PLEKHA7: variants seen among roughly 807,000 people sequenced by gnomAD.
PLEKHA7 encodes the protein pleckstrin homology domain containing A7, also known as pleckstrin homology domain-containing family A member 7.
Under a neutral mutation model 170.0 loss-of-function variants are expected in PLEKHA7, and 104 were observed. That is an observed-to-expected ratio of 0.61 (90% CI 0.52 to 0.72). PLEKHA7 has a LOEUF of 0.72. PLEKHA7 is among the 30% of genes least tolerant of loss of function. PLEKHA7 has a pLI of 0.00. For synonymous variants in PLEKHA7, 648 were observed against 660.8 expected, an observed-to-expected ratio of 0.98 and a Z score of 0.30; for missense variants, 1,615 against 1,671.7, an observed-to-expected ratio of 0.97 and a Z score of 0.59.
At chr11:16,854,773 G>T in intron 6 of PLEKHA7, 116 bp downstream of exon 6, 1 of 856,328 alleles carries the variant, frequency 1.2e-6, no homozygotes, top group South Asian at 1.6e-5. Flanking sequence ...AGCTGCCTCA[G>T]ACAAACTCAG....
chr11:16,927,399 T>C (rs1264135882), intron 3 of PLEKHA7, among the ~76,000 whole-genome samples: 1 of 152,210 alleles, frequency 6.6e-6, no homozygotes, highest in Non-Finnish European at 1.5e-5. Flanking sequence ...AGATGTCTGC[T>C]GAAGATAGCT....
chr11:16,785,581 G>A (rs1458651644), intron 24 of PLEKHA7, among the ~76,000 whole-genome samples: 1 of 152,170 alleles, frequency 6.6e-6, no homozygotes, highest in Non-Finnish European at 1.5e-5. Context: ...TGAAGACACT[G>A]AGTGTGTCAT....
chr11:16,923,632 G>T (rs1490152749), intron 3 of PLEKHA7, among the ~76,000 whole-genome samples: 1 of 152,030 alleles, frequency 6.6e-6, no homozygotes, highest in Non-Finnish European at 1.5e-5. Context: ...GGGAGGAGGG[G>T]GAGGGAGCAC....
intron 3 of PLEKHA7, among the ~76,000 whole-genome samples, chr11:17,002,747 T>G (rs1182498073): frequency 6.6e-6 from 1 of 152,118 alleles, no homozygotes; most frequent in Admixed American, 6.6e-5. Context: ...GATAACCAGG[T>G]GGCTGCACAG....
intron 3 of PLEKHA7, among the ~76,000 whole-genome samples, chr11:16,925,945 C>A (rs556296606): frequency 1.3e-5 from 2 of 152,346 alleles, no homozygotes; most frequent in South Asian, 4.1e-4. Context: ...GGGGCAGGAC[C>A]TGCGGCCTCA....
chr11:16,932,733 A>AC (rs1371415589), intron 3 of PLEKHA7, among the ~76,000 whole-genome samples: 3 of 152,252 alleles, frequency 2.0e-5, no homozygotes, highest in African/African-American at 7.2e-5. Flanking sequence ...ATGTGCTATG[A>AC]AGAAACCAAA....
At chr11:16,835,104 T>C (rs1851412087) in intron 9 of PLEKHA7, among the ~76,000 whole-genome samples, 1 of 148,922 alleles carries the variant, frequency 6.7e-6, no homozygotes, top group Admixed American at 6.6e-5. Flanking sequence ...ACCTCATCTC[T>C]ACAAAAAATA....
chr11:16,795,068 C>A, intron 17 of PLEKHA7, 50 bp from the exon 18 acceptor site: 1 of 1,286,668 alleles, frequency 7.8e-7, no homozygotes, highest in South Asian at 1.2e-5. Flanking sequence ...TTACAAGTTT[C>A]TTCTTAGGAC....
chr11:16,968,289 C>G (rs553143983), intron 3 of PLEKHA7, among the ~76,000 whole-genome samples: 1 of 152,328 alleles, frequency 6.6e-6, no homozygotes, highest in South Asian at 2.1e-4. Flanking sequence ...CCAGACTCAG[C>G]TCTGGGCACA....
Position 16,844,547 on chromosome 11 carries a change from C to G in PLEKHA7, c.697-2825G>C, listed in dbSNP as rs147296104. The stretch of plus-strand genomic sequence containing the variant: ...CTTCTCACTCCTGCCCTAGTCTCAA[C>G]TCAGATGGTACTGTTTTCTCTGCTC... On this transcript the variant is annotated intron_variant, in intron 8 of 26. Coordinates refer to ENST00000531066, the MANE Select transcript of PLEKHA7 (RefSeq NM_001329630.2). 1.1e-3 allele frequency among the ~76,000 whole-genome samples: 164 copies of G among 152,356 alleles called. 4 individuals are homozygous for G. The East Asian group carries it at 0.021, about 20-fold the overall frequency.
intron 4 of PLEKHA7, among the ~76,000 whole-genome samples, chr11:16,867,006 T>A (rs562521881): frequency 1.3e-5 from 2 of 151,684 alleles, no homozygotes; most frequent in East Asian, 3.9e-4. Flanking sequence ...TTTATTCCCA[T>A]AGAAGAAGAA....
At position 16,900,843 on chromosome 11, in the gene PLEKHA7, A is replaced by AT. The variant is rs1195144939; in HGVS notation, c.222-29662dup. On this transcript the variant is annotated intron_variant, in intron 3 of 26. Coordinates refer to ENST00000531066, the MANE Select transcript of PLEKHA7 (RefSeq NM_001329630.2). ...AGTGGCATAACATGTGGAAGTCATG[A>AT]TTTTTTATTTTTTTTTTTTTTTGAG... 1.7e-3 allele frequency among the ~76,000 whole-genome samples: 254 copies of AT among 151,068 alleles called. 1 individual carries two copies. Among genetic ancestry groups the AT allele is most frequent in the African/African-American group, 5.7e-3 (233 of 41,004 alleles).
chr11:16,812,284 A>G (rs991395927), intron 13 of PLEKHA7: 1 of 152,180 alleles, frequency 6.6e-6, no homozygotes, highest in Non-Finnish European at 1.5e-5. Flanking sequence ...ACCTGCTTCT[A>G]TGAGGCTGGA....
chr11:16,941,326 A>T (rs1166640898), intron 3 of PLEKHA7, among the ~76,000 whole-genome samples: 1 of 152,134 alleles, frequency 6.6e-6, no homozygotes, highest in Non-Finnish European at 1.5e-5. Flanking sequence ...TAATGATGAG[A>T]GACTCATTAT....
At chr11:16,783,130 C>G (rs930685297) in intron 25 of PLEKHA7, among the ~76,000 whole-genome samples, 7 of 152,206 alleles carry the variant, frequency 4.6e-5, no homozygotes, top group African/African-American at 1.7e-4. Flanking sequence ...TAGCTGGAGG[C>G]TCTTATTAAA....
At chr11:16,843,699 G>A (rs1361643589) in intron 8 of PLEKHA7, among the ~76,000 whole-genome samples, 1 of 152,200 alleles carries the variant, frequency 6.6e-6, no homozygotes, top group African/African-American at 2.4e-5. Flanking sequence ...CAGCACTTTG[G>A]GAAGCCAAGG....
chr11:16,847,227 G>A (rs1018328217), intron 8 of PLEKHA7, among the ~76,000 whole-genome samples: 1 of 151,070 alleles, frequency 6.6e-6, no homozygotes, highest in East Asian at 2.0e-4. Flanking sequence ...CTCACGAGCA[G>A]CTGGGACTAC....
Position 16,791,246 on chromosome 11 carries a change from A to T in PLEKHA7, c.2746-47T>A, listed in dbSNP as rs1233591996. The stretch of plus-strand genomic sequence containing the variant: ...CCAGTGGTCAGCGAGACGGAGCTGG[A>T]GGGAGGACTGCTAGGTACTGCCACA... On this transcript the variant is annotated intron_variant, in intron 19 of 26. Transcript: ENST00000531066. The surrounding 1 kb of genome is among the most constrained non-coding windows in gnomAD (Gnocchi z 4.5). The T allele has an allele frequency of 6.6e-7, 1 of 1,518,804 alleles. No homozygotes were observed. Among genetic ancestry groups the T allele is most frequent in the Admixed American group, 2.0e-5 (1 of 48,932 alleles). The allele number at this position is 1,518,804 out of a possible 1,614,324, so 94.1% of individuals were successfully genotyped here. A position where few individuals can be genotyped will look rare whatever the true frequency, so the allele number is the denominator to read the frequency against.
intron 3 of PLEKHA7, among the ~76,000 whole-genome samples, chr11:16,879,449 G>A (rs1855547872): frequency 6.6e-6 from 1 of 152,154 alleles, no homozygotes; most frequent in African/African-American, 2.4e-5. Flanking sequence ...GATACGGGGA[G>A]GCAGAAGGCC....
Sources: allele counts gnomAD v4.1 joint callset (sites outside exome capture counted in the v4.1 genomes callset), GRCh38; gene constraint gnomAD v4.1.1; non-coding constraint Gnocchi (gnomAD v3.1); transcripts MANE v1.5; gene names NCBI Gene and HGNC (gene_info 2026-07-23, HGNC 2026-07-21).